Variants in DOCK3 observed in about 807,000 individuals in gnomAD.
The protein encoded by DOCK3 is dedicator of cytokinesis protein 3.
Under a neutral mutation model 265.6 loss-of-function variants are expected in DOCK3, and 60 were observed. The ratio of observed to expected loss-of-function variants is 0.23; its 90% CI spans 0.18 to 0.28. The LOEUF (loss-of-function observed/expected upper bound fraction) is 0.28. Among genes scored for constraint, DOCK3 ranks in the 10% least tolerant of loss-of-function variants. The pLI is 1.00. For missense variants in DOCK3, 1,981 were observed against 2,594.3 expected, an observed-to-expected ratio of 0.76 and a Z score of 5.14; for synonymous variants, 881 against 938.0, an observed-to-expected ratio of 0.94 and a Z score of 1.11.
At chr3:51,277,021 C>A (rs777399900) in intron 25 of DOCK3, among the ~76,000 whole-genome samples, 2 of 152,114 alleles carry the variant, frequency 1.3e-5, no homozygotes, top group African/African-American at 4.8e-5. Flanking sequence ...CCCTGTAACA[C>A]GAGCAAGAGA....
chr3:51,338,730 C>T (rs945468891), intron 36 of DOCK3, among the ~76,000 whole-genome samples: 1 of 152,346 alleles, frequency 6.6e-6, no homozygotes, highest in Admixed American at 6.5e-5. Context: ...CCTCTTAACA[C>T]TACCCAGGGC....
intron 5 of DOCK3, among the ~76,000 whole-genome samples, chr3:51,011,577 C>T (rs769856577): frequency 3.2e-4 from 48 of 152,166 alleles, no homozygotes; most frequent in Non-Finnish European, 5.7e-4. Context: ...GAACTTCCTC[C>T]TTTAGCTCAG....
At chr3:50,796,459 C>T (rs981276596) in intron 2 of DOCK3, among the ~76,000 whole-genome samples, 2 of 152,264 alleles carry the variant, frequency 1.3e-5, no homozygotes, top group East Asian at 3.9e-4. Flanking sequence ...CTGCCTCAGC[C>T]TCCCTAGTAG....
chr3:51,228,524 A>T lies in DOCK3; in HGVS notation c.1648-137A>T. The T allele has an allele frequency of 8.7e-6, 8 of 917,888 alleles. 1 individual carries two copies. In the South Asian group the frequency reaches 1.5e-4, roughly 17 times the overall value. 56.9% of individuals were successfully genotyped at this position (917,888 alleles called of 1,614,324 possible). A position where few individuals can be genotyped will look rare whatever the true frequency, so the allele number is the denominator to read the frequency against. On this transcript the variant is annotated intron_variant, in intron 17 of 52. Transcript: ENST00000266037. ...TCTAGGGAGTTTCTGAACAGAAAGTACTCTTCCAAGAGGACCTGAGGCCCA... is the reference window on the plus strand; with the variant it reads ...TCTAGGGAGTTTCTGAACAGAAAGTTCTCTTCCAAGAGGACCTGAGGCCCA...
intron 27 of DOCK3, among the ~76,000 whole-genome samples, chr3:51,298,308 C>T (rs565435067): frequency 2.0e-5 from 3 of 152,326 alleles, no homozygotes; most frequent in Admixed American, 6.5e-5. Flanking sequence ...TTCTTTTGTT[C>T]CTAATTTGAC....
chr3:51,301,405 CT>C (rs1350917968), intron 27 of DOCK3, among the ~76,000 whole-genome samples: 6 of 151,714 alleles, frequency 4.0e-5, no homozygotes, highest in Non-Finnish European at 8.8e-5. Context: ...TCTCTATCTC[CT>C]TTAGTTCTGC....
intron 12 of DOCK3, among the ~76,000 whole-genome samples, chr3:51,190,085 T>G (rs1361742131): frequency 6.6e-6 from 1 of 152,152 alleles, no homozygotes; most frequent in Non-Finnish European, 1.5e-5. Context: ...ACTTCAACTA[T>G]GCCTCTGCTG....
At chr3:51,038,437 T>C (rs941359872) in intron 5 of DOCK3, among the ~76,000 whole-genome samples, 1 of 152,196 alleles carries the variant, frequency 6.6e-6, no homozygotes. Context: ...GGCATTTGTA[T>C]AGCAGAGAGA....
intron 9 of DOCK3, among the ~76,000 whole-genome samples, chr3:51,106,873 C>G (rs957273261): frequency 1.1e-4 from 16 of 152,238 alleles, no homozygotes; most frequent in African/African-American, 3.6e-4. Flanking sequence ...GTGTGCTCCC[C>G]ACTGCATTGC....
intron 1 of DOCK3, among the ~76,000 whole-genome samples, chr3:50,728,728 A>ATT (rs10630436): frequency 0.9 from 132,814 of 147,508 alleles, 59,891 homozygotes; most frequent in African/African-American, 0.95. Flanking sequence ...AATAAATAGA[A>ATT]TTTTTTTTTT....
chr3:51,234,302 G>A (rs2078262561), intron 19 of DOCK3, among the ~76,000 whole-genome samples: 1 of 152,120 alleles, frequency 6.6e-6, no homozygotes, highest in Non-Finnish European at 1.5e-5. Context: ...TTTGAGAAAT[G>A]TCTACTTAGG....
At chr3:50,687,274 A>T (rs1182691185) in intron 1 of DOCK3, among the ~76,000 whole-genome samples, 1 of 152,146 alleles carries the variant, frequency 6.6e-6, no homozygotes, top group Admixed American at 6.6e-5. Flanking sequence ...CATCGCCCTC[A>T]TTATTCCAGT....
chr3:51,090,603 G>A (rs2082602523), intron 9 of DOCK3, among the ~76,000 whole-genome samples: 1 of 152,110 alleles, frequency 6.6e-6, no homozygotes, highest in African/African-American at 2.4e-5. Context: ...TTTCCACATA[G>A]AAGCTCAAAA....
At chr3:50,978,917 G>C (rs375709972) in intron 5 of DOCK3, among the ~76,000 whole-genome samples, 1 of 152,206 alleles carries the variant, frequency 6.6e-6, no homozygotes, top group East Asian at 1.9e-4. Flanking sequence ...TCCAGGTGCT[G>C]TCCGTCACCC....
At chr3:50,807,813 A>G (rs530228694) in intron 2 of DOCK3, among the ~76,000 whole-genome samples, 6 of 152,158 alleles carry the variant, frequency 3.9e-5, no homozygotes, top group Non-Finnish European at 8.8e-5. Context: ...CAGTGACACA[A>G]TCACAGCTCA....
intron 6 of DOCK3, 81 bp downstream of exon 6, chr3:51,064,677 CT>C: frequency 6.6e-7 from 1 of 1,511,218 alleles, no homozygotes; most frequent in Non-Finnish European, 9.0e-7. Flanking sequence ...CTATACAAAG[CT>C]TCTCTTTAAT....
rs1281468992 is a variant in DOCK3, at chr3:51,312,514, A to C, written c.3132A>C (p.Ile1044=). ...NSYFSLAVLF[I]NQPSLQLEII... is the part of the protein sequence containing the mutation. The stretch of plus-strand genomic sequence containing the variant: ...ACTTTAGCCTGGCAGTTCTATTCAT[A>C]AATCAGCCAAGCCTTCAGCTAGAAA... The change falls in exon 30 of 53, where the codon ATA becomes ATC. Residue 1044 remains isoleucine, a synonymous_variant. Coordinates refer to ENST00000266037, the MANE Select transcript of DOCK3 (RefSeq NM_004947.5). The C allele has an allele frequency of 1.2e-6, 2 of 1,606,694 alleles. No homozygotes were observed. Among genetic ancestry groups the C allele is most frequent in the Middle Eastern group, 1.7e-4 (1 of 6,046 alleles).
chr3:50,705,669 C>T lies in DOCK3; in HGVS notation c.37+30369C>T, dbSNP rs144058882. Reference sequence around the variant, plus strand: ...TGACCTCTTGATCTGCCTACCTCAGCCTCCCAAAATGCTGGGATTACAGGC... The same window carrying T: ...TGACCTCTTGATCTGCCTACCTCAGTCTCCCAAAATGCTGGGATTACAGGC... On this transcript the variant is annotated intron_variant, in intron 1 of 52. Transcript: ENST00000266037. Among the ~76,000 whole-genome samples the T allele has an allele frequency of 8.9e-4, 136 of 152,204 alleles. 1 individual carries two copies. The East Asian group carries it at 0.022, about 25-fold the overall frequency.
Position 50,884,988 on chromosome 3 carries a change from G to A in DOCK3, c.163-5038G>A, listed in dbSNP as rs148117333. Among the ~76,000 whole-genome samples the A allele has an allele frequency of 2.3e-4, 35 of 152,104 alleles. 1 individual carries two copies. Among genetic ancestry groups the A allele is most frequent in the South Asian group, 6.2e-4 (3 of 4,818 alleles). On this transcript the variant is annotated intron_variant, in intron 3 of 52. Coordinates refer to ENST00000266037, the MANE Select transcript of DOCK3 (RefSeq NM_004947.5). ...CACAATGTCATGTAGCTATCATTAC[G>A]GTACCATACAGAATAGTTTCACTGT...
Sources: gnomAD v4.1 joint callset for allele counts (sites outside exome capture counted in the v4.1 genomes callset) on GRCh38, gnomAD v4.1.1 for gene constraint, MANE v1.5 for transcripts, NCBI Gene and HGNC (gene_info 2026-07-23, HGNC 2026-07-21) for gene names.